ZNF804B: variants seen among roughly 807,000 people sequenced by gnomAD.
ZNF804B encodes the protein zinc finger protein 804B.
In ZNF804B, 80 loss-of-function variants were observed where a neutral mutation model predicts 101.4. The ratio of observed to expected loss-of-function variants is 0.79; its 90% CI spans 0.66 to 0.95. ZNF804B has a LOEUF of 0.95. ZNF804B is among the 40% of genes least tolerant of loss of function. The pLI is 0.00. For synonymous variants in ZNF804B, 622 were observed against 558.8 expected, an observed-to-expected ratio of 1.11 and a Z score of -1.59; for missense variants, 1,673 against 1,561.9, an observed-to-expected ratio of 1.07 and a Z score of -1.20.
chr7:89,129,175 A>AT (rs1458596712), intron 1 of ZNF804B, among the ~76,000 whole-genome samples: 1 of 152,052 alleles, frequency 6.6e-6, no homozygotes, highest in South Asian at 2.1e-4. Flanking sequence ...TTTGAAGACT[A>AT]TTTTTTACGT....
intron 1 of ZNF804B, among the ~76,000 whole-genome samples, chr7:88,918,755 A>AAG (rs970940357): frequency 2.0e-5 from 3 of 152,112 alleles, no homozygotes; most frequent in Non-Finnish European, 4.4e-5. Context: ...TCCAAGGCCT[A>AAG]AGAGTGGGAT....
chr7:89,012,270 T>G (rs1788477111), intron 1 of ZNF804B, among the ~76,000 whole-genome samples: 1 of 152,068 alleles, frequency 6.6e-6, no homozygotes, highest in Admixed American at 6.5e-5. Context: ...CATCAGGGCC[T>G]GTGATAGGAG....
chr7:89,169,554 A>T (rs1791194245), intron 1 of ZNF804B, among the ~76,000 whole-genome samples: 1 of 152,156 alleles, frequency 6.6e-6, no homozygotes, highest in African/African-American at 2.4e-5. Context: ...TAGGAAATCC[A>T]GCTAGTCCTG....
intron 2 of ZNF804B, among the ~76,000 whole-genome samples, chr7:89,241,075 G>A (rs892754343): frequency 1.3e-5 from 2 of 152,036 alleles, no homozygotes; most frequent in Non-Finnish European, 2.9e-5. Flanking sequence ...CTGTCTCTGT[G>A]TCTGAGGCAT....
chr7:89,176,657 A>C (rs559917644), intron 1 of ZNF804B, among the ~76,000 whole-genome samples: 69 of 138,622 alleles, frequency 5.0e-4, no homozygotes, highest in Non-Finnish European at 7.6e-4. Context: ...AGCCTCACTG[A>C]ACAAGTTTGG....
At chr7:88,792,151 A>G (rs944049555) in intron 1 of ZNF804B, among the ~76,000 whole-genome samples, 3 of 152,080 alleles carry the variant, frequency 2.0e-5, no homozygotes, top group Non-Finnish European at 4.4e-5. Context: ...ATCACACGGA[A>G]TAACTTCTTT....
chr7:88,787,480 T>C (rs113975288), intron 1 of ZNF804B, among the ~76,000 whole-genome samples: 13 of 152,120 alleles, frequency 8.5e-5, no homozygotes, highest in Non-Finnish European at 1.8e-4. Flanking sequence ...TATATATATG[T>C]GACAGATGAA....
chr7:89,257,275 T>C (rs949214662), intron 2 of ZNF804B, among the ~76,000 whole-genome samples: 1 of 152,192 alleles, frequency 6.6e-6, no homozygotes, highest in African/African-American at 2.4e-5. Flanking sequence ...CTTCCACGAA[T>C]TTTTTAAAAT....
chr7:89,053,090 T>G (rs1383931326), intron 1 of ZNF804B, among the ~76,000 whole-genome samples: 1 of 152,162 alleles, frequency 6.6e-6, no homozygotes, highest in African/African-American at 2.4e-5. Flanking sequence ...AACAGTTTTA[T>G]GGTATATTGT....
rs1202729257 is a variant in ZNF804B at position 89,332,219 on chromosome 7, A to G, written c.381-1144A>G. Among the ~76,000 whole-genome samples, 4 of 151,744 alleles carry G rather than the reference A, an allele frequency of 2.6e-5. 1 individual carries two copies. Among genetic ancestry groups the G allele is most frequent in the African/African-American group, 9.7e-5 (4 of 41,392 alleles). Reference sequence around the variant, plus strand: ...ACATGAAATTTGGTGGACAAAAGGAATGTGATGACTCTAGAGTTCGATGCT... The same window carrying G: ...ACATGAAATTTGGTGGACAAAAGGAGTGTGATGACTCTAGAGTTCGATGCT... On this transcript the variant is annotated intron_variant, in intron 3 of 3. Coordinates refer to ENST00000333190, the MANE Select transcript of ZNF804B (RefSeq NM_181646.5).
chr7:88,853,135 GTC>G (rs1051922083), intron 1 of ZNF804B, among the ~76,000 whole-genome samples: 1 of 152,090 alleles, frequency 6.6e-6, no homozygotes, highest in Non-Finnish European at 1.5e-5. Context: ...GTGAATTGGT[GTC>G]TCTGTTAAAA....
At chr7:89,320,627 T>C (rs1790804370) in intron 2 of ZNF804B, among the ~76,000 whole-genome samples, 1 of 152,020 alleles carries the variant, frequency 6.6e-6, no homozygotes, top group African/African-American at 2.4e-5. Flanking sequence ...TTTGAGGATT[T>C]ACCAAAATTA....
intron 2 of ZNF804B, among the ~76,000 whole-genome samples, chr7:89,317,489 C>A (rs1790750687): frequency 6.6e-6 from 1 of 152,168 alleles, no homozygotes; most frequent in African/African-American, 2.4e-5. Context: ...TGCCAATGAG[C>A]AGTTAACTAG....
intron 1 of ZNF804B, among the ~76,000 whole-genome samples, chr7:89,113,731 T>C (rs71557027): frequency 0.044 from 6,630 of 152,152 alleles, 207 homozygotes; most frequent in African/African-American, 0.084. Context: ...GGCGGGCAGA[T>C]CATGAGGTCA....
At chr7:89,253,025 G>T (rs192699120) in intron 2 of ZNF804B, among the ~76,000 whole-genome samples, 7 of 152,044 alleles carry the variant, frequency 4.6e-5, no homozygotes, top group Admixed American at 1.3e-4. Context: ...TAAGATGAAA[G>T]TTGACATTAT....
chr7:89,335,210 A>G lies in ZNF804B; in HGVS notation c.2228A>G (p.His743Arg), dbSNP rs1029563446. 2.5e-6 allele frequency: 4 copies of G among 1,613,942 alleles called. No individual in the cohort carries two copies. Among genetic ancestry groups the G allele is most frequent in the Non-Finnish European group, 3.4e-6 (4 of 1,179,954 alleles). Residue 743 changes from histidine (H) to arginine (R), a missense_variant, in exon 4 of 4, where the codon CAT (histidine) becomes CGT (arginine). His to Arg is a conservative substitution (Grantham distance 29). Transcript: ENST00000333190. The part of the protein sequence containing the change: ...GNSRGNLLCF[H>R]KREHHSVERH... ...AGCAGAGGTAATTTGCTCTGCTTCC[A>G]TAAAAGAGAACACCACTCAGTTGAA...
chr7:89,202,988 T>C (rs1430489333), intron 1 of ZNF804B, among the ~76,000 whole-genome samples: 1 of 152,104 alleles, frequency 6.6e-6, no homozygotes, highest in Non-Finnish European at 1.5e-5. Flanking sequence ...CGTCTCTTTT[T>C]AGACTAGTTC....
intron 1 of ZNF804B, among the ~76,000 whole-genome samples, chr7:88,956,946 C>G (rs184190142): frequency 2.8e-4 from 43 of 151,560 alleles, no homozygotes; most frequent in African/African-American, 1.0e-3. Flanking sequence ...ATTAGAGCAA[C>G]TTATTTTCTT....
At chr7:89,318,984 C>G (rs973977943) in intron 2 of ZNF804B, among the ~76,000 whole-genome samples, 1 of 152,130 alleles carries the variant, frequency 6.6e-6, no homozygotes, top group South Asian at 2.1e-4. Context: ...TTAAGGGAAA[C>G]GAAGGGATGG....
Sources: allele counts gnomAD v4.1 joint callset (sites outside exome capture counted in the v4.1 genomes callset), GRCh38; gene constraint gnomAD v4.1.1; transcripts MANE v1.5; gene names NCBI Gene and HGNC (gene_info 2026-07-23, HGNC 2026-07-21).